The following STK38L variants were observed in gnomAD, a reference collection of about 807,000 sequenced individuals.
STK38L encodes serine/threonine kinase 38 like, also known as serine/threonine-protein kinase 38-like.
Under a neutral mutation model 59.7 loss-of-function variants are expected in STK38L, and 28 were observed. The observed-to-expected ratio is 0.47, with a 90% confidence interval of 0.35 to 0.64. The LOEUF (loss-of-function observed/expected upper bound fraction) is 0.64, where lower values mean the gene tolerates loss of function less well. STK38L is among the 30% of genes least tolerant of loss of function. The pLI is 0.01. For synonymous variants in STK38L, 162 were observed against 176.8 expected, an observed-to-expected ratio of 0.92 and a Z score of 0.66; for missense variants, 314 against 555.8, an observed-to-expected ratio of 0.56 and a Z score of 4.37.
intron 1 of STK38L, among the ~76,000 whole-genome samples, chr12:27,246,113 T>C (rs993289344): frequency 6.6e-6 from 1 of 152,218 alleles, no homozygotes; most frequent in South Asian, 2.1e-4. Context: ...GTTTTTATGC[T>C]GAAAACTTGA....
rs184341380 is a variant in STK38L, at chr12:27,322,283, G to C, written c.1268-45G>C. 6.6e-5 allele frequency: 107 copies of C among 1,613,242 alleles called. No individual in the cohort carries two copies. In the Admixed American group the frequency reaches 1.8e-3, roughly 26 times the overall value. ...AACCCTATTAAAAGTCTTTGAAGATGATGGCATTTCACTAATGAAATTCCT... is the reference window on the plus strand; with the variant it reads ...AACCCTATTAAAAGTCTTTGAAGATCATGGCATTTCACTAATGAAATTCCT... On this transcript the variant is annotated intron_variant, in intron 13 of 13. Transcript: ENST00000389032.
At chr12:27,248,312 T>C (rs557433446) in intron 1 of STK38L, among the ~76,000 whole-genome samples, 1 of 152,324 alleles carries the variant, frequency 6.6e-6, no homozygotes, top group South Asian at 2.1e-4. Context: ...ACTGATACTT[T>C]ATGTTGGGGC....
Position 27,309,199 on chromosome 12 carries a change from T to C in STK38L, c.393+2T>C, listed in dbSNP as rs758205092. The stretch of plus-strand genomic sequence containing the variant: ...TCTGATATGCTTGAAAAAGAGCAGG[T>C]ATGAGTTCTTTAACACATGTAATAT... On this transcript the variant is annotated splice_donor_variant, in intron 5 of 13. Transcript: ENST00000389032. LOFTEE classifies it high-confidence loss of function. 5.7e-6 allele frequency: 9 copies of C among 1,592,654 alleles called. No individual in the cohort carries two copies. Among genetic ancestry groups the C allele is most frequent in the Non-Finnish European group, 4.3e-6 (5 of 1,168,196 alleles).
At chr12:27,267,185 T>G (rs1943318256) in intron 1 of STK38L, among the ~76,000 whole-genome samples, 1 of 152,168 alleles carries the variant, frequency 6.6e-6, no homozygotes. Context: ...GGAATAAACG[T>G]TAAATTGTTT....
intron 1 of STK38L, among the ~76,000 whole-genome samples, chr12:27,249,897 T>C (rs1195691336): frequency 6.6e-6 from 1 of 152,250 alleles, no homozygotes; most frequent in East Asian, 1.9e-4. Context: ...TCCAGCTGAT[T>C]CAGGAGATTT....
rs942887297 is a variant in STK38L at position 27,324,758 on chromosome 12, A to C, written c.*2303A>C. Reference sequence around the variant, plus strand: ...TTAAGTGCCTATCTAAAAGCAATTAAAGACTGTGTCTGCCCTTTAGAAGCT... The same window carrying C: ...TTAAGTGCCTATCTAAAAGCAATTACAGACTGTGTCTGCCCTTTAGAAGCT... On this transcript the variant is annotated 3_prime_UTR_variant, in exon 14 of 14. Coordinates refer to ENST00000389032, the MANE Select transcript of STK38L (RefSeq NM_015000.4). The C allele has an allele frequency of 6.6e-6, 1 of 152,070 alleles. No homozygotes were observed. Among genetic ancestry groups the C allele is most frequent in the Non-Finnish European group, 1.5e-5 (1 of 67,948 alleles). The allele number at this position is 152,070 out of a possible 1,614,324, so 9.4% of individuals were successfully genotyped here.
intron 6 of STK38L, among the ~76,000 whole-genome samples, chr12:27,313,877 G>A (rs376468212): frequency 6.6e-6 from 1 of 151,910 alleles, no homozygotes; most frequent in Non-Finnish European, 1.5e-5. Context: ...AATATATTTC[G>A]TTTCCAGGTG....
rs1413283251 is a variant in STK38L at position 27,317,471 on chromosome 12, T to C, written c.955+18T>C. The C allele has an allele frequency of 6.5e-7, 1 of 1,538,550 alleles. No individual in the cohort carries two copies. Among genetic ancestry groups the C allele is most frequent in the Non-Finnish European group, 8.9e-7 (1 of 1,120,888 alleles). ...GCTAATAGGTATGTTTTATCATTCA[T>C]TTATGTACAAAATATATACATTTCC... On this transcript the variant is annotated intron_variant, in intron 10 of 13. Transcript: ENST00000389032.
At chr12:27,268,331 A>G (rs1312878196) in intron 1 of STK38L, among the ~76,000 whole-genome samples, 11 of 147,800 alleles carry the variant, frequency 7.4e-5, no homozygotes, top group Admixed American at 5.4e-4. Context: ...ATGTGTTCTC[A>G]TTGTTTAATT....
At chr12:27,274,653 A>G (rs1476874832) in intron 1 of STK38L, among the ~76,000 whole-genome samples, 1 of 152,240 alleles carries the variant, frequency 6.6e-6, no homozygotes, top group African/African-American at 2.4e-5. Context: ...TGAAGCACAT[A>G]AGCCGTTCAT....
chr12:27,309,267 G>A, intron 5 of STK38L, 70 bp downstream of exon 5: 2 of 1,145,424 alleles, frequency 1.7e-6, no homozygotes, highest in African/African-American at 1.6e-5. Context: ...GTTTATATTA[G>A]AATTTTTAAG....
At chr12:27,303,091 C>T (rs1274936405) in intron 3 of STK38L, among the ~76,000 whole-genome samples, 1 of 151,600 alleles carries the variant, frequency 6.6e-6, no homozygotes, top group African/African-American at 2.4e-5. Context: ...CATCTCTTGT[C>T]ACCCGCCCCC....
At chr12:27,300,647 T>A in intron 2 of STK38L, 1 of 455,866 alleles carries the variant, frequency 2.2e-6, no homozygotes, top group Non-Finnish European at 4.4e-6. Context: ...ATTATTCTTG[T>A]CTAAGGGTTG....
intron 1 of STK38L, among the ~76,000 whole-genome samples, chr12:27,286,988 G>C (rs549151852): frequency 2.0e-5 from 3 of 151,902 alleles, no homozygotes; most frequent in East Asian, 3.9e-4. Flanking sequence ...ACAGTGTTAT[G>C]TATCCATTTA....
chr12:27,272,704 T>C (rs1231466285), intron 1 of STK38L, among the ~76,000 whole-genome samples: 1 of 152,144 alleles, frequency 6.6e-6, no homozygotes, highest in Non-Finnish European at 1.5e-5. Context: ...GAAGAAATTA[T>C]CCCCCCAAAT....
intron 1 of STK38L, among the ~76,000 whole-genome samples, chr12:27,291,500 CTG>C (rs761750011): frequency 8.5e-5 from 13 of 152,310 alleles, no homozygotes; most frequent in Non-Finnish European, 1.8e-4. Flanking sequence ...AGGGCCGGAA[CTG>C]TGTTTTATCA....
chr12:27,263,456 C>T (rs979822650), intron 1 of STK38L, among the ~76,000 whole-genome samples: 1 of 152,172 alleles, frequency 6.6e-6, no homozygotes, highest in Admixed American at 6.5e-5. Context: ...TGAGTCCTTC[C>T]TTATTATCCC....
intron 5 of STK38L, among the ~76,000 whole-genome samples, chr12:27,310,453 G>T (rs1343914452): frequency 6.6e-6 from 1 of 152,116 alleles, no homozygotes; most frequent in Non-Finnish European, 1.5e-5. Context: ...ATAATAGGAA[G>T]GACAGAAGGA....
At chr12:27,254,707 G>T (rs1168353330) in intron 1 of STK38L, among the ~76,000 whole-genome samples, 1 of 152,124 alleles carries the variant, frequency 6.6e-6, no homozygotes. Context: ...GCCATTACTG[G>T]TAATACTAAA....
Sources: allele counts gnomAD v4.1 joint callset (sites outside exome capture counted in the v4.1 genomes callset), GRCh38; gene constraint gnomAD v4.1.1; transcripts MANE v1.5; gene names NCBI Gene and HGNC (gene_info 2026-07-23, HGNC 2026-07-21).